The following CEACAM4 variants were observed in gnomAD, a reference collection of about 807,000 sequenced individuals.
CEACAM4 encodes the protein CEA cell adhesion molecule 4, also known as cell adhesion molecule CEACAM4.
A neutral mutation model predicts 28.7 loss-of-function variants in CEACAM4; 30 were observed. The ratio of observed to expected loss-of-function variants is 1.05; its 90% CI spans 0.78 to 1.42. The LOEUF (loss-of-function observed/expected upper bound fraction) is 1.42, where lower values mean the gene tolerates loss of function less well. Ranked by LOEUF, CEACAM4 falls within the 40% of genes most tolerant of loss-of-function variation. The pLI is 0.00. For synonymous variants in CEACAM4, 143 were observed against 126.5 expected (o/e 1.13, Z -0.87); for missense variants, 330 against 308.2 (o/e 1.07, Z -0.53).
intron 2 of CEACAM4, among the ~76,000 whole-genome samples, chr19:41,623,349 T>G (rs1049857173): frequency 2.6e-5 from 4 of 151,914 alleles, no homozygotes; most frequent in Non-Finnish European, 4.4e-5. Context: ...GTCTGATAAT[T>G]TCAACATCCC....
chr19:41,620,353 TC>T, intron 4 of CEACAM4, 111 bp from the exon 5 acceptor site: 2 of 1,081,138 alleles, frequency 1.8e-6, no homozygotes, highest in Non-Finnish European at 2.6e-6. Context: ...GGGAGCCTCT[TC>T]CCAGGGGAGA....
At chr19:41,613,815 A>G in the CEACAM4 span, among the ~76,000 whole-genome samples, 1 of 152,156 alleles carries the variant, frequency 6.6e-6, no homozygotes, top group Admixed American at 6.5e-5. Context: ...CTGATCAATC[A>G]CACTGAGGAA....
chr19:41,626,675 A>T (rs1490769665), intron 1 of CEACAM4, among the ~76,000 whole-genome samples: 7 of 152,016 alleles, frequency 4.6e-5, no homozygotes. Flanking sequence ...AACACTTGAG[A>T]TTTTCCTGCC....
chr19:41,618,597 C>A (rs1555799568), downstream of CEACAM4, among the ~76,000 whole-genome samples: 1 of 152,140 alleles, frequency 6.6e-6, no homozygotes, highest in African/African-American at 2.4e-5. Context: ...GTGAAGAGGG[C>A]AGCAGGGGTC....
intron 3 of CEACAM4, among the ~76,000 whole-genome samples, 193 bp from the exon 4 acceptor site, chr19:41,620,820 A>G (rs28617711): frequency 0.13 from 19,085 of 151,928 alleles, 1,620 homozygotes; most frequent in East Asian, 0.33. Flanking sequence ...TGTCCTGGCC[A>G]GAGAGGAAGG....
At chr19:41,625,509 A>T in intron 2 of CEACAM4, 92 bp downstream of exon 2, 1 of 1,428,514 alleles carries the variant, frequency 7.0e-7, no homozygotes, top group African/African-American at 1.4e-5. Context: ...CAAAATGCAG[A>T]GGGGGATGCA....
chr19:41,625,762 G>A lies in CEACAM4; in HGVS notation c.263C>T (p.Ala88Val). The change falls in exon 2 of 7, where the codon GCA (alanine) becomes GTA (valine). Residue 88 changes from alanine (A) to valine (V), a missense_variant. Transcript: ENST00000221954. ...ACTGTATGCGGCCCCTGGGATATTTGCTTGAATGTCTGTTATATAACCAGC... is the reference window on the plus strand; with the variant it reads ...ACTGTATGCGGCCCCTGGGATATTTACTTGAATGTCTGTTATATAACCAGC... Reference protein sequence around the residue: ...LIAGYITDIQANIPGAAYSGR... With the variant: ...LIAGYITDIQVNIPGAAYSGR... 1 of 1,613,988 alleles carries A rather than the reference G, an allele frequency of 6.2e-7. No individual in the cohort carries two copies.
At chr19:41,622,370 G>T (rs555412980) in intron 2 of CEACAM4, among the ~76,000 whole-genome samples, 5 of 152,088 alleles carry the variant, frequency 3.3e-5, no homozygotes, top group African/African-American at 1.2e-4. Flanking sequence ...GAGCCACTGC[G>T]CCCAGTCTTC....
Position 41,619,308 on chromosome 19 carries a change from C to A in CEACAM4, c.*22G>T. The A allele has an allele frequency of 5.0e-6, 8 of 1,609,774 alleles. No homozygotes were observed. Among genetic ancestry groups the A allele is most frequent in the Non-Finnish European group, 6.0e-6 (7 of 1,176,162 alleles). On this transcript the variant is annotated 3_prime_UTR_variant, in exon 7 of 7. Coordinates refer to ENST00000221954, the MANE Select transcript of CEACAM4 (RefSeq NM_001817.4). ...GCTTCGGGGACGCTCCATCAACCCA[C>A]AAGAGCAGCTCCCAGAGGAACCTAA...
At chr19:41,618,573 C>T (rs2071055033), downstream of CEACAM4, among the ~76,000 whole-genome samples, 1 of 152,130 alleles carries the variant, frequency 6.6e-6, no homozygotes, top group Non-Finnish European at 1.5e-5. Context: ...ATAGACTGGG[C>T]CTCCAGGGCC....
intron 3 of CEACAM4, 133 bp from the exon 4 acceptor site, chr19:41,620,760 A>G: frequency 2.6e-6 from 2 of 774,514 alleles, no homozygotes; most frequent in Admixed American, 4.8e-5. Flanking sequence ...GTTTCGTGGT[A>G]GGAGCGGCCG....
intron 3 of CEACAM4, 73 bp downstream of exon 3, chr19:41,621,578 A>G: frequency 1.3e-6 from 1 of 772,500 alleles, no homozygotes; most frequent in Non-Finnish European, 2.2e-6. Flanking sequence ...CCCTGAATAC[A>G]GGGCGGGGTC....
intron 5 of CEACAM4, 83 bp downstream of exon 5, chr19:41,620,128 G>T (rs2071173919): frequency 1.6e-6 from 2 of 1,249,808 alleles, no homozygotes; most frequent in South Asian, 1.5e-5. Context: ...TCAGTGCTGT[G>T]CTGTGGGGTT....
At position 41,619,094 on chromosome 19, in the gene CEACAM4, G is replaced by T; in HGVS notation, c.*236C>A. ...ACAGGCCCATTCACTTTCCTTGCAA[G>T]CCCCCGCTTCCTGTGGTGATGAGAG... On this transcript the variant is annotated 3_prime_UTR_variant, in exon 7 of 7. Transcript: ENST00000221954. 1.9e-6 allele frequency: 1 copy of T among 533,688 alleles called. No homozygotes were observed. Among genetic ancestry groups the T allele is most frequent in the Non-Finnish European group, 3.3e-6 (1 of 302,664 alleles). The allele number at this position is 533,688 out of a possible 1,614,324, so 33.1% of individuals were successfully genotyped here. A position where few individuals can be genotyped will look rare whatever the true frequency, so the allele number is the denominator to read the frequency against.
At chr19:41,615,194 T>C (rs1276027937), downstream of CEACAM4, among the ~76,000 whole-genome samples, 1 of 151,744 alleles carries the variant, frequency 6.6e-6, no homozygotes, top group Admixed American at 6.6e-5. Flanking sequence ...GTCACAGATA[T>C]GAGGAGGAGT....
At chr19:41,616,958 T>C (rs2070992614), downstream of CEACAM4, among the ~76,000 whole-genome samples, 1 of 152,322 alleles carries the variant, frequency 6.6e-6, no homozygotes, top group South Asian at 2.1e-4. Context: ...GCAGCAGATG[T>C]GCTAAAAACC....
At chr19:41,626,838 A>C in intron 1 of CEACAM4, 62 bp downstream of exon 1, 42 of 1,486,686 alleles carry the variant, frequency 2.8e-5, no homozygotes, top group Non-Finnish European at 3.7e-5. Context: ...CTCCTACCCA[A>C]GAGACCCCAG....
At chr19:41,625,567 C>T (rs782450273) in intron 2 of CEACAM4, 34 bp downstream of exon 2, 4 of 1,543,960 alleles carry the variant, frequency 2.6e-6, no homozygotes, top group African/African-American at 2.7e-5. Flanking sequence ...CAGAACTGAC[C>T]GCCAGCACCC....
chr19:41,620,495 C>G, intron 4 of CEACAM4, 80 bp downstream of exon 4: 1 of 1,244,986 alleles, frequency 8.0e-7, no homozygotes, highest in African/African-American at 1.5e-5. Context: ...GGGTCAGAGG[C>G]CCCCAGGGGG....
Sources: gnomAD v4.1 joint callset for allele counts (sites outside exome capture counted in the v4.1 genomes callset) on GRCh38, gnomAD v4.1.1 for gene constraint, MANE v1.5 for transcripts, NCBI Gene and HGNC (gene_info 2026-07-23, HGNC 2026-07-21) for gene names.